Variants in EDA observed in about 807,000 individuals in gnomAD.
EDA encodes the protein ectodysplasin-A.
Under a neutral mutation model 23.6 loss-of-function variants are expected in EDA, and 2 were observed. The ratio of observed to expected loss-of-function variants is 0.08; its 90% CI spans 0.03 to 0.27. The LOEUF (loss-of-function observed/expected upper bound fraction) is 0.27, where lower values mean the gene tolerates loss of function less well. Ranked by LOEUF, EDA falls within the 10% of genes least tolerant of loss-of-function variation. The probability of loss-of-function intolerance (pLI) is 1.00; values close to 1 mark genes in which losing one functional copy is unlikely to be tolerated. For synonymous variants in EDA, 131 were observed against 132.0 expected, an observed-to-expected ratio of 0.99 and a Z score of 0.05; for missense variants, 229 against 324.2, an observed-to-expected ratio of 0.71 and a Z score of 2.26.
chrX:69,908,981 T>G (rs1333131589), intron 1 of EDA, among the ~76,000 whole-genome samples: 1 of 110,425 alleles, frequency 9.1e-6, no homozygotes. Context: ...CAAGATGAGT[T>G]CTGAAATCTC....
At chrX:69,886,046 C>T (rs1276517500) in intron 1 of EDA, among the ~76,000 whole-genome samples, 1 of 112,273 alleles carries the variant, frequency 8.9e-6, no homozygotes, top group East Asian at 2.8e-4. Context: ...CTCACTCCCA[C>T]AGCAGGTGCC....
chrX:69,724,550 C>T (rs778371854), intron 1 of EDA, among the ~76,000 whole-genome samples: 9 of 111,657 alleles, frequency 8.1e-5, no homozygotes, highest in Non-Finnish European at 1.3e-4. Flanking sequence ...TCACCTCCTT[C>T]GTTAAACTCT....
At chrX:69,757,610 A>G (rs2014164668) in intron 1 of EDA, among the ~76,000 whole-genome samples, 1 of 112,530 alleles carries the variant, frequency 8.9e-6, no homozygotes, top group African/African-American at 3.2e-5. Flanking sequence ...TAGCAGCAAC[A>G]TGTTCATAAG....
At chrX:69,885,301 G>A (rs1050073043) in intron 1 of EDA, among the ~76,000 whole-genome samples, 1 of 111,563 alleles carries the variant, frequency 9.0e-6, no homozygotes, top group African/African-American at 3.3e-5. Context: ...TCTCCAAAAC[G>A]TTATCATCTT....
intron 3 of EDA, among the ~76,000 whole-genome samples, chrX:70,023,474 TATTC>T (rs2020065617): frequency 1.1e-5 from 1 of 94,349 alleles, no homozygotes; most frequent in Non-Finnish European, 2.1e-5. Context: ...CCCTTCTTTT[TATTC>T]TTTTTTTTTT....
Position 69,749,919 on chromosome X carries a change from GTTCT to G in EDA, c.396+133218_396+133221del, listed in dbSNP as rs1281987076. Among the ~76,000 whole-genome samples, 124 of 48,567 alleles carry G rather than the reference GTTCT, an allele frequency of 2.6e-3. 3 individuals are homozygous for G. The highest frequency in any genetic ancestry group is 0.011 in the South Asian group (6 of 564). The allele number at this position is 48,567 out of a possible 115,157, so 42.2% of individuals were successfully genotyped here. On this transcript the variant is annotated intron_variant, in intron 1 of 7. Coordinates refer to ENST00000374552, the MANE Select transcript of EDA (RefSeq NM_001399.5). ...TTTTTAGAAACTTCCTCTCACTAAG[GTTCT>G]TTTTTTTTTTTTTTTTTTTTTTTTT...
At chrX:69,667,515 T>C (rs759806498) in intron 1 of EDA, among the ~76,000 whole-genome samples, 2 of 111,968 alleles carry the variant, frequency 1.8e-5, no homozygotes, top group South Asian at 7.4e-4. Context: ...GATTTGTTAA[T>C]ATTGTTTATT....
At position 69,624,789 on chromosome X, in the gene EDA, C is replaced by CCTCT. The variant is rs751401580; in HGVS notation, c.396+8113_396+8116dup. On this transcript the variant is annotated intron_variant, in intron 1 of 7. Transcript: ENST00000374552. ...TAGCTTCATGAGTCTGTCAGAAGCT[C>CCTCT]CTCTCTCTCTCTCTCTCTCTCTCTC... Among the ~76,000 whole-genome samples, 192 of 95,766 alleles carry CCTCT rather than the reference C, an allele frequency of 2.0e-3. 1 individual carries two copies. Among genetic ancestry groups the CCTCT allele is most frequent in the Middle Eastern group, 0.01 (2 of 191 alleles). 83.2% of individuals were successfully genotyped at this position (95,766 alleles called of 115,157 possible).
At chrX:69,795,982 C>T (rs1039728668) in intron 1 of EDA, among the ~76,000 whole-genome samples, 1 of 111,699 alleles carries the variant, frequency 9.0e-6, no homozygotes, top group African/African-American at 3.3e-5. Flanking sequence ...AGGACCTACC[C>T]ACCCTGCCAC....
At chrX:69,883,127 C>T (rs1196611593) in intron 1 of EDA, among the ~76,000 whole-genome samples, 3 of 112,402 alleles carry the variant, frequency 2.7e-5, no homozygotes, top group Admixed American at 9.4e-5. Flanking sequence ...TCCTAGTGAG[C>T]AAGCATGGCC....
intron 1 of EDA, among the ~76,000 whole-genome samples, chrX:69,764,533 G>A (rs1270882727): frequency 6.4e-5 from 7 of 110,011 alleles, no homozygotes; most frequent in African/African-American, 9.9e-5. Flanking sequence ...GTGAGCCACC[G>A]CACCCTGCCC....
At chrX:69,997,653 G>T (rs1211505647) in intron 2 of EDA, among the ~76,000 whole-genome samples, 1 of 112,668 alleles carries the variant, frequency 8.9e-6, no homozygotes, top group Non-Finnish European at 1.9e-5. Flanking sequence ...CTTCACTGCA[G>T]CCCCTCCCAT....
chrX:69,698,726 A>G lies in EDA; in HGVS notation c.396+82022A>G, dbSNP rs995921489. ...TTGGTGAGTTGGGCTTTAAGGACAG[A>G]GTTGACCTTTTCAACTTTGCCTGAA... On this transcript the variant is annotated intron_variant, in intron 1 of 7. Coordinates refer to ENST00000374552, the MANE Select transcript of EDA (RefSeq NM_001399.5). Among the ~76,000 whole-genome samples, 3 of 111,039 alleles carry G rather than the reference A, an allele frequency of 2.7e-5. No individual in the cohort carries two copies. The Admixed American group carries it at 2.9e-4, about 11-fold the overall frequency.
rs1449826437 is a variant in EDA, at chrX:69,749,927, T to C, written c.396+133223T>C. ...AACTTCCTCTCACTAAGGTTCTTTT[T>C]TTTTTTTTTTTTTTTTTTTTTTGGT... is the stretch of plus-strand genomic sequence containing the variant. On this transcript the variant is annotated intron_variant, in intron 1 of 7. Transcript: ENST00000374552. 1.2e-3 allele frequency among the ~76,000 whole-genome samples: 116 copies of C among 95,590 alleles called. 2 individuals carry two copies. Among genetic ancestry groups the C allele is most frequent in the South Asian group, 2.1e-3 (4 of 1,889 alleles). The allele number at this position is 95,590 out of a possible 115,157, so 83.0% of individuals were successfully genotyped here. A position where few individuals can be genotyped will look rare whatever the true frequency, so the allele number is the denominator to read the frequency against.
intron 1 of EDA, among the ~76,000 whole-genome samples, chrX:69,853,545 A>C (rs1255107449): frequency 8.9e-6 from 1 of 112,310 alleles, no homozygotes; most frequent in Non-Finnish European, 1.9e-5. Context: ...AATAAGTTCT[A>C]AGCAAGTTAA....
chrX:69,882,463 G>A (rs2017762029), intron 1 of EDA, among the ~76,000 whole-genome samples: 1 of 111,679 alleles, frequency 9.0e-6, no homozygotes, highest in African/African-American at 3.3e-5. Flanking sequence ...GTCTGTCTAG[G>A]AGTAAACAGG....
chrX:70,027,747 C>T (rs1331976424), intron 3 of EDA, 110 bp from the exon 4 acceptor site: 6 of 485,356 alleles, frequency 1.2e-5, no homozygotes, highest in South Asian at 5.5e-5. Context: ...CGCTTGAACC[C>T]GGGAGGTGGA....
At position 69,953,813 on chromosome X, in the gene EDA, A is replaced by G. The variant is rs761355166; in HGVS notation, c.397-3214A>G. Among the ~76,000 whole-genome samples the G allele has an allele frequency of 4.5e-5, 5 of 112,070 alleles. No homozygotes were observed. In the East Asian group the frequency reaches 1.4e-3, roughly 31 times the overall value. On this transcript the variant is annotated intron_variant, in intron 1 of 7. Coordinates refer to ENST00000374552, the MANE Select transcript of EDA (RefSeq NM_001399.5). ...TCATACATATGAAAAATTGTAATGG[A>G]TGATTGTAATCTAGAACAGGAAAAA...
chrX:69,909,727 A>G (rs2018231071), intron 1 of EDA, among the ~76,000 whole-genome samples: 1 of 112,739 alleles, frequency 8.9e-6, no homozygotes, highest in South Asian at 3.7e-4. Context: ...ATTTTGAAAA[A>G]GTGATATACT....
Sources: allele counts gnomAD v4.1 joint callset (sites outside exome capture counted in the v4.1 genomes callset), GRCh38; gene constraint gnomAD v4.1.1; transcripts MANE v1.5; gene names NCBI Gene and HGNC (gene_info 2026-07-23, HGNC 2026-07-21).